NUBPL: variants seen among roughly 807,000 people sequenced by gnomAD.
NUBPL encodes the protein iron-sulfur cluster transfer protein NUBPL.
In NUBPL, 31 loss-of-function variants were observed where a neutral mutation model predicts 45.7. The observed-to-expected ratio is 0.68, with a 90% CI of 0.51 to 0.92. The LOEUF (loss-of-function observed/expected upper bound fraction) is 0.92. Ranked by LOEUF, NUBPL falls within the 40% of genes least tolerant of loss-of-function variation. The pLI, the probability that NUBPL is intolerant of heterozygous loss-of-function variation, is 0.00. For synonymous variants in NUBPL, 144 were observed against 140.9 expected, an observed-to-expected ratio of 1.02 and a Z score of -0.15; for missense variants, 401 against 398.7, an observed-to-expected ratio of 1.01 and a Z score of -0.05.
chr14:31,660,300 A>G (rs1408442245), intron 4 of NUBPL, among the ~76,000 whole-genome samples: 1 of 152,170 alleles, frequency 6.6e-6, no homozygotes, highest in Non-Finnish European at 1.5e-5. Flanking sequence ...TCGTGGTACT[A>G]GTATTTTCTG....
chr14:31,717,130 G>A (rs1028173251), intron 6 of NUBPL, among the ~76,000 whole-genome samples: 1 of 152,090 alleles, frequency 6.6e-6, no homozygotes, highest in Non-Finnish European at 1.5e-5. Context: ...CTAGGAAAAA[G>A]GTCCTTCTTT....
intron 4 of NUBPL, among the ~76,000 whole-genome samples, chr14:31,642,822 C>T (rs2035743091): frequency 6.6e-6 from 1 of 152,082 alleles, no homozygotes; most frequent in South Asian, 2.1e-4. Context: ...ATGTCCTCTT[C>T]AGTTTCTTTC....
intron 2 of NUBPL, among the ~76,000 whole-genome samples, chr14:31,563,515 C>T (rs2033355622): frequency 1.3e-5 from 2 of 152,040 alleles, no homozygotes; most frequent in South Asian, 4.2e-4. Context: ...AAAAGCTGGC[C>T]CATACTTTTT....
intron 6 of NUBPL, among the ~76,000 whole-genome samples, chr14:31,693,924 G>T (rs548854467): frequency 7.2e-6 from 1 of 138,176 alleles, no homozygotes; most frequent in East Asian, 2.0e-4. Context: ...GGCGTGATCT[G>T]GGCTCACTGT....
chr14:31,725,656 G>A (rs887555384), intron 6 of NUBPL, among the ~76,000 whole-genome samples: 1 of 151,372 alleles, frequency 6.6e-6, no homozygotes, highest in African/African-American at 2.4e-5. Flanking sequence ...TCCACTTGTC[G>A]GGTCATGTCA....
intron 3 of NUBPL, among the ~76,000 whole-genome samples, chr14:31,579,058 A>C (rs2033794436): frequency 6.6e-6 from 1 of 152,166 alleles, no homozygotes; most frequent in Non-Finnish European, 1.5e-5. Flanking sequence ...GCATGGCTAT[A>C]GGGTTGCTGT....
At chr14:31,708,516 G>A (rs1228959847) in intron 6 of NUBPL, among the ~76,000 whole-genome samples, 4 of 152,270 alleles carry the variant, frequency 2.6e-5, no homozygotes, top group Admixed American at 2.6e-4. Flanking sequence ...GGGACTTTCA[G>A]GCATAACAAG....
At chr14:31,846,881 T>G (rs1300877281) in intron 9 of NUBPL, among the ~76,000 whole-genome samples, 2 of 151,582 alleles carry the variant, frequency 1.3e-5, no homozygotes, top group Non-Finnish European at 2.9e-5. Context: ...GCATGAACCC[T>G]GGAGGCGGAG....
chr14:31,716,875 CCTT>C (rs2139939004), intron 6 of NUBPL, among the ~76,000 whole-genome samples: 1 of 152,262 alleles, frequency 6.6e-6, no homozygotes, highest in South Asian at 2.1e-4. Flanking sequence ...CTTGACTCAT[CCTT>C]CTTTCTTTCC....
intron 7 of NUBPL, among the ~76,000 whole-genome samples, chr14:31,811,223 G>C (rs1313762955): frequency 6.6e-6 from 1 of 152,136 alleles, no homozygotes; most frequent in Non-Finnish European, 1.5e-5. Flanking sequence ...TTTCCAGCTT[G>C]GTTCCATTCT....
intron 6 of NUBPL, among the ~76,000 whole-genome samples, chr14:31,762,782 C>CA (rs566022803): frequency 6.7e-6 from 1 of 150,220 alleles, no homozygotes; most frequent in Non-Finnish European, 1.5e-5. Flanking sequence ...ACCAGTTAGT[C>CA]TTTTTTTTTT....
chr14:31,816,969 G>T (rs1048517901), intron 7 of NUBPL, among the ~76,000 whole-genome samples: 1 of 151,872 alleles, frequency 6.6e-6, no homozygotes, highest in Admixed American at 6.6e-5. Context: ...AGAATAACCA[G>T]TTTAGAGAAG....
At chr14:31,819,016 G>T (rs2039972027) in intron 7 of NUBPL, among the ~76,000 whole-genome samples, 1 of 152,148 alleles carries the variant, frequency 6.6e-6, no homozygotes, top group African/African-American at 2.4e-5. Flanking sequence ...TATATTTCCT[G>T]TTGGTCTGTG....
intron 7 of NUBPL, among the ~76,000 whole-genome samples, chr14:31,823,453 A>G (rs1448718227): frequency 1.3e-5 from 2 of 152,136 alleles, no homozygotes; most frequent in Non-Finnish European, 2.9e-5. Flanking sequence ...AGAACACCCT[A>G]CATACTAATA....
At chr14:31,583,219 A>G (rs922560025) in intron 3 of NUBPL, among the ~76,000 whole-genome samples, 3 of 152,170 alleles carry the variant, frequency 2.0e-5, no homozygotes, top group African/African-American at 4.8e-5. Flanking sequence ...CAGAGAGGGT[A>G]TTGCTGAGGC....
chr14:31,673,670 C>A, intron 6 of NUBPL, 96 bp downstream of exon 6: 1 of 1,074,740 alleles, frequency 9.3e-7, no homozygotes, highest in South Asian at 1.3e-5. Context: ...ATTCAGGAAT[C>A]AGTTGATGGG....
intron 7 of NUBPL, among the ~76,000 whole-genome samples, chr14:31,793,279 C>T (rs923406923): frequency 6.6e-6 from 1 of 152,114 alleles, no homozygotes; most frequent in Non-Finnish European, 1.5e-5. Flanking sequence ...GTCTTTACAG[C>T]ACAGTTGATC....
rs1005639991 is a variant in NUBPL, at chr14:31,826,840, A to C, written c.693+126A>C. On this transcript the variant is annotated intron_variant, in intron 8 of 10. Coordinates refer to ENST00000281081, the MANE Select transcript of NUBPL (RefSeq NM_025152.3). ...GAAGTCTTTATGAAAGTCCTAGTTTATCATTTTGGTGACTTTAAAAACACA... is the reference window on the plus strand; with the variant it reads ...GAAGTCTTTATGAAAGTCCTAGTTTCTCATTTTGGTGACTTTAAAAACACA... The C allele has an allele frequency of 7.1e-6, 6 of 848,484 alleles. No homozygotes were observed. In the African/African-American group the frequency reaches 1.0e-4, roughly 14 times the overall value. The allele number at this position is 848,484 out of a possible 1,614,324, so 52.6% of individuals were successfully genotyped here.
At chr14:31,587,791 A>C (rs1042292659) in intron 3 of NUBPL, among the ~76,000 whole-genome samples, 5 of 152,212 alleles carry the variant, frequency 3.3e-5, no homozygotes, top group Admixed American at 2.6e-4. Flanking sequence ...ACCTTAAACT[A>C]TACATGGTTC....
Sources: allele counts gnomAD v4.1 joint callset (sites outside exome capture counted in the v4.1 genomes callset), GRCh38; gene constraint gnomAD v4.1.1; transcripts MANE v1.5; gene names NCBI Gene and HGNC (gene_info 2026-07-23, HGNC 2026-07-21).